Variants in DSC3 observed in about 807,000 individuals in gnomAD.
DSC3 encodes desmocollin 3.
DSC3 carries 97 observed loss-of-function variants against 89.5 expected under a neutral mutation model. That is an observed-to-expected ratio of 1.08 (90% CI 0.92 to 1.28). The LOEUF (loss-of-function observed/expected upper bound fraction) is 1.28, where lower values mean the gene tolerates loss of function less well. DSC3 is among the 50% of genes most tolerant of loss of function. The pLI is 0.00. For missense variants in DSC3, 1,199 were observed against 1,085.3 expected (o/e 1.10, Z -1.47); for synonymous variants, 436 against 384.1 (o/e 1.14, Z -1.58).
chr18:31,007,902 A>T, intron 11 of DSC3, 114 bp downstream of exon 11: 1 of 971,034 alleles, frequency 1.0e-6, no homozygotes, highest in Non-Finnish European at 1.5e-6. Flanking sequence ...AAGAGTCTTT[A>T]AAGTAATTTC....
chr18:31,012,003 G>GATT (rs1481092184), intron 9 of DSC3, among the ~76,000 whole-genome samples: 4 of 102,796 alleles, frequency 3.9e-5, no homozygotes. Context: ...TTAAAGACAT[G>GATT]ATTTAACCAC....
chr18:31,006,157 C>T (rs984276412), intron 12 of DSC3, among the ~76,000 whole-genome samples: 8 of 152,072 alleles, frequency 5.3e-5, no homozygotes, highest in African/African-American at 1.9e-4. Context: ...TTCCCATATC[C>T]CTTGCTATAT....
intron 4 of DSC3, among the ~76,000 whole-genome samples, chr18:31,027,516 C>T (rs1376857899): frequency 1.5e-5 from 2 of 129,072 alleles, no homozygotes; most frequent in Non-Finnish European, 3.4e-5. Flanking sequence ...TCCTTTTCTG[C>T]AATAGCATAT....
intron 1 of DSC3, among the ~76,000 whole-genome samples, chr18:31,032,985 A>G (rs568405148): frequency 6.6e-6 from 1 of 152,354 alleles, no homozygotes; most frequent in Non-Finnish European, 1.5e-5. Context: ...GTAAGGCTAC[A>G]GGATACAAGA....
rs114025847 is a variant in DSC3, at chr18:31,032,066, T to A, written c.154+126A>T. ...AACAGAATGATAACTTCTGGTTTAC[T>A]CCCTGGAGGAACATCCCTTTTTAGT... On this transcript the variant is annotated intron_variant, in intron 2 of 15. Coordinates refer to ENST00000360428, the MANE Select transcript of DSC3 (RefSeq NM_001941.5). 890 of 703,232 alleles carry A rather than the reference T, an allele frequency of 1.3e-3. 7 individuals are homozygous for A. The African/African-American group carries it at 0.014, about 11-fold the overall frequency. The allele number at this position is 703,232 out of a possible 1,614,324, so 43.6% of individuals were successfully genotyped here.
chr18:30,996,738 T>G, intron 15 of DSC3, 53 bp downstream of exon 15: 2 of 1,605,114 alleles, frequency 1.2e-6, no homozygotes, highest in Non-Finnish European at 1.7e-6. Context: ...ATTGTCTATT[T>G]TTCTCCATTC....
chr18:31,030,348 T>A (rs1389289098), intron 3 of DSC3, among the ~76,000 whole-genome samples: 1 of 152,214 alleles, frequency 6.6e-6, no homozygotes, highest in Non-Finnish European at 1.5e-5. Flanking sequence ...CATTAAACAT[T>A]TAGCAAAGTG....
intron 1 of DSC3, 102 bp from the exon 2 acceptor site, chr18:31,032,378 C>G (rs151272810): frequency 1.1e-6 from 1 of 897,714 alleles, no homozygotes. Context: ...AGTCCAACAC[C>G]CATTTACAAT....
At chr18:31,038,696 AC>A (rs1481374705) in intron 1 of DSC3, among the ~76,000 whole-genome samples, 1 of 152,102 alleles carries the variant, frequency 6.6e-6, no homozygotes, top group Non-Finnish European at 1.5e-5. Context: ...TATTATAAAT[AC>A]CAAAGATTAC....
At chr18:31,020,928 C>T (rs144427335) in intron 7 of DSC3, among the ~76,000 whole-genome samples, 14 of 152,162 alleles carry the variant, frequency 9.2e-5, no homozygotes, top group East Asian at 7.7e-4. Context: ...GGCAAGAGAG[C>T]GAGACCCTCT....
Position 31,018,208 on chromosome 18 carries a change from T to C in DSC3, c.1126A>G (p.Ile376Val). 1 of 1,612,106 alleles carries C rather than the reference T, an allele frequency of 6.2e-7. No individual in the cohort carries two copies. The highest frequency in any genetic ancestry group is 8.5e-7 in the Non-Finnish European group (1 of 1,179,058). The change falls in exon 9 of 16, where the codon ATA (isoleucine) becomes GTA (valine). Residue 376 changes from isoleucine (I) to valine (V), a missense_variant. By Grantham distance (29) the Ile-to-Val change is conservative. Transcript: ENST00000360428. ...ATTAAATCCTTATCTTCTATAGGTA[T>C]TCGTAAGATTTCCACATTGAATGCA... ...ENAFNVEILRIPIEDKDLINT... is the reference protein window; with the variant it reads ...ENAFNVEILRVPIEDKDLINT...
intron 13 of DSC3, among the ~76,000 whole-genome samples, chr18:31,003,148 A>T (rs946355907): frequency 6.6e-6 from 1 of 152,214 alleles, no homozygotes; most frequent in African/African-American, 2.4e-5. Context: ...ATCATTAAAA[A>T]TAATCTTCTC....
chr18:31,000,510 C>T (rs951236682), intron 14 of DSC3, among the ~76,000 whole-genome samples: 1 of 152,122 alleles, frequency 6.6e-6, no homozygotes, highest in African/African-American at 2.4e-5. Context: ...AGAATAAATC[C>T]GAAATCCTTA....
intron 15 of DSC3, 76 bp downstream of exon 15, chr18:30,996,715 T>G: frequency 6.4e-7 from 1 of 1,572,004 alleles, no homozygotes; most frequent in Non-Finnish European, 8.7e-7. Flanking sequence ...ACAGAAAATA[T>G]ATGTTAATTT....
At position 31,011,874 on chromosome 18, in the gene DSC3, T is replaced by C. The variant is rs188903218; in HGVS notation, c.1264-3349A>G. Among the ~76,000 whole-genome samples, 599 of 139,544 alleles carry C rather than the reference T, an allele frequency of 4.3e-3. 6 individuals are homozygous for C. The highest frequency in any genetic ancestry group is 0.016 in the African/African-American group (576 of 36,660). 91.5% of individuals were successfully genotyped at this position (139,544 alleles called of 152,430 possible). ...CGGGCATGGAGGCATGCGCCTGTAG[T>C]CCCAGCTGCTTGGGAGGCTGAGGCA... is the stretch of plus-strand genomic sequence containing the variant. On this transcript the variant is annotated intron_variant, in intron 9 of 15. Transcript: ENST00000360428.
At chr18:31,032,143 C>T (rs1215152951) in intron 2 of DSC3, 49 bp downstream of exon 2, 2 of 1,316,370 alleles carry the variant, frequency 1.5e-6, no homozygotes, top group South Asian at 1.2e-5. Context: ...CTCTTTCCAG[C>T]CTATGTAAAC....
rs1985393463 is a variant in DSC3 at position 31,020,808 on chromosome 18, T to C, written c.942+1528A>G. ...CAATAAAAAAATCAGCCAAGCATGG[T>C]GGTGTGTCCTGTAATCCCAGCTACA... is the stretch of plus-strand genomic sequence containing the variant. On this transcript the variant is annotated intron_variant, in intron 7 of 15. Transcript: ENST00000360428. Among the ~76,000 whole-genome samples, 2 of 152,052 alleles carry C rather than the reference T, an allele frequency of 1.3e-5. 1 individual carries two copies. The highest frequency in any genetic ancestry group is 2.9e-5 in the Non-Finnish European group (2 of 67,954).
intron 1 of DSC3, among the ~76,000 whole-genome samples, chr18:31,037,913 T>A (rs1012194308): frequency 6.6e-6 from 1 of 150,608 alleles, no homozygotes; most frequent in African/African-American, 2.5e-5. Context: ...AAAAAAAAGT[T>A]CATTCTCTAC....
At chr18:31,035,236 C>G (rs1206291804) in intron 1 of DSC3, among the ~76,000 whole-genome samples, 1 of 151,936 alleles carries the variant, frequency 6.6e-6, no homozygotes, top group Admixed American at 6.6e-5. Flanking sequence ...CACAATTATT[C>G]TAATATGTGA....
Sources: gnomAD v4.1 joint callset for allele counts (sites outside exome capture counted in the v4.1 genomes callset) on GRCh38, gnomAD v4.1.1 for gene constraint, MANE v1.5 for transcripts, NCBI Gene and HGNC (gene_info 2026-07-23, HGNC 2026-07-21) for gene names.